The following COQ8A variants were observed in gnomAD, a reference collection of about 807,000 sequenced individuals.
COQ8A encodes the protein coenzyme Q8A.
COQ8A carries 51 observed loss-of-function variants against 65.0 expected under a neutral mutation model. The observed-to-expected ratio is 0.78, with a 90% confidence interval of 0.63 to 0.99. The LOEUF (loss-of-function observed/expected upper bound fraction) is 0.99, where lower values mean the gene tolerates loss of function less well. Among genes scored for constraint, COQ8A ranks in the 50% least tolerant of loss-of-function variants. The pLI is 0.00. For synonymous variants in COQ8A, 371 were observed against 353.2 expected, an observed-to-expected ratio of 1.05 and a Z score of -0.57; for missense variants, 940 against 875.0, an observed-to-expected ratio of 1.07 and a Z score of -0.94.
At chr1:226,978,270 T>A in intron 5 of COQ8A, among the ~76,000 whole-genome samples, 1 of 83,588 alleles carries the variant, frequency 1.2e-5, no homozygotes, top group South Asian at 4.3e-4. Context: ...CCGCACCCAC[T>A]GAACACCCGC....
intron 1 of COQ8A, among the ~76,000 whole-genome samples, chr1:226,956,224 A>ACT (rs1657742539): frequency 2.9e-5 from 2 of 69,510 alleles, no homozygotes; most frequent in African/African-American, 7.1e-5. Flanking sequence ...CCTGGCTGCC[A>ACT]CTCCCTGGTT....
At chr1:226,969,262 G>A (rs1171969553) in intron 4 of COQ8A, among the ~76,000 whole-genome samples, 3 of 152,260 alleles carry the variant, frequency 2.0e-5, no homozygotes, top group Non-Finnish European at 2.9e-5. Flanking sequence ...TGCTTTATAT[G>A]GTTTGAAGCT....
chr1:226,986,778 T>C lies in COQ8A; in HGVS notation c.*41T>C, dbSNP rs1660148654. The C allele has an allele frequency of 4.4e-6, 7 of 1,598,432 alleles. No individual in the cohort carries two copies. The highest frequency in any genetic ancestry group is 1.3e-5 in the African/African-American group (1 of 74,860). Reference sequence around the variant, plus strand: ...CCAGGCCGGCTCCGCGGGAACTCTCTCCCTCAGACAGGCCAAAAACCAGTA... The same window carrying C: ...CCAGGCCGGCTCCGCGGGAACTCTCCCCCTCAGACAGGCCAAAAACCAGTA... On this transcript the variant is annotated 3_prime_UTR_variant, in exon 15 of 15. Coordinates refer to ENST00000366777, the MANE Select transcript of COQ8A (RefSeq NM_020247.5).
Position 226,971,550 on chromosome 1 carries a change from GAAAAAGAAA to G in COQ8A, c.655+5826_655+5834del, listed in dbSNP as rs1404199282. Among the ~76,000 whole-genome samples the G allele has an allele frequency of 3.3e-5, 5 of 149,848 alleles. No homozygotes were observed. In the East Asian group the frequency reaches 8.4e-4, roughly 25 times the overall value. On this transcript the variant is annotated intron_variant, in intron 4 of 14. Transcript: ENST00000366777. ...CTGGATGACAGCTCCATCTCAAAAAGAAAAAGAAAAAAAAGAAAAAAGAGAATATATCAT... is the reference window on the plus strand; with the variant it reads ...CTGGATGACAGCTCCATCTCAAAAAGAAAAAGAAAAAAGAGAATATATCAT...
intron 8 of COQ8A, 193 bp downstream of exon 8, chr1:226,983,227 C>A: frequency 1.1e-6 from 1 of 945,588 alleles, no homozygotes; most frequent in Non-Finnish European, 1.5e-6. Flanking sequence ...AAATGAGTGA[C>A]TTTGGGGGCA....
chr1:226,960,285 T>TTGGTGGTGCTGGTGGTGCTTGGTGG (rs1658095418), intron 1 of COQ8A, among the ~76,000 whole-genome samples: 3 of 101,504 alleles, frequency 3.0e-5, no homozygotes, highest in Admixed American at 9.9e-5. Context: ...GCGGTGGTAC[T>TTGGTGGTGCTGGTGGTGCTTGGTGG]TGGTGGTGGT....
At chr1:226,983,195 AG>A in intron 8 of COQ8A, 161 bp downstream of exon 8, 2 of 1,149,098 alleles carry the variant, frequency 1.7e-6, no homozygotes, top group Non-Finnish European at 2.4e-6. Flanking sequence ...GGACGGCACC[AG>A]AAGCTTGGGA....
intron 4 of COQ8A, among the ~76,000 whole-genome samples, chr1:226,967,077 G>A (rs1006368067): frequency 1.3e-5 from 2 of 152,072 alleles, no homozygotes; most frequent in African/African-American, 4.8e-5. Context: ...CTTTTCCTGG[G>A]GTAACATTTC....
rs115291753 is a variant in COQ8A at position 226,982,348 on chromosome 1, G to C, written c.853+199G>C. 1,328 of 814,346 alleles carry C rather than the reference G, an allele frequency of 1.6e-3. 20 individuals carry two copies. The African/African-American group carries it at 0.021, about 13-fold the overall frequency. The allele number at this position is 814,346 out of a possible 1,614,324, so 50.4% of individuals were successfully genotyped here. A position where few individuals can be genotyped will look rare whatever the true frequency, so the allele number is the denominator to read the frequency against. On this transcript the variant is annotated intron_variant, in intron 6 of 14. Transcript: ENST00000366777. ...AGAAACACATGGAATAAAGAGCAGA[G>C]AGGAAAAATTGCTCTCTACAGGTGG...
rs1404709843 is a variant in COQ8A, at chr1:226,961,523, G to A, written c.138G>A (p.Thr46=). Residue 46 remains threonine, a synonymous_variant, in exon 2 of 15, where the codon ACG becomes ACA. Transcript: ENST00000366777. ...LIMAARALQS[T]AVEQIGMFLG... ...TGGCGGCCAGGGCCCTGCAGTCCAC[G>A]GCTGTGGAGCAGATTGGCATGTTCT... 1.2e-6 allele frequency: 2 copies of A among 1,613,780 alleles called. No individual in the cohort carries two copies. Among genetic ancestry groups the A allele is most frequent in the Non-Finnish European group, 8.5e-7 (1 of 1,179,926 alleles).
At position 226,986,574 on chromosome 1, in the gene COQ8A, T is replaced by C; in HGVS notation, c.1781T>C (p.Met594Thr). 1 of 1,613,300 alleles carries C rather than the reference T, an allele frequency of 6.2e-7. No individual in the cohort carries two copies. The change falls in exon 15 of 15, where the codon ATG (methionine) becomes ACG (threonine). Residue 594 changes from methionine (M) to threonine (T), a missense_variant. Transcript: ENST00000366777. ...AAGATCCACAACCTGATTCCCGTCA[T>C]GCTGAGGCACCGTCTCGTCCCCCCA... is the stretch of plus-strand genomic sequence containing the variant. ...TEKIHNLIPVMLRHRLVPPPE... is the reference protein window; with the variant it reads ...TEKIHNLIPVTLRHRLVPPPE...
chr1:226,985,639 G>A (rs1273839428), intron 14 of COQ8A, among the ~76,000 whole-genome samples: 2 of 152,216 alleles, frequency 1.3e-5, no homozygotes, highest in East Asian at 3.9e-4. Context: ...AGAGCAAGTG[G>A]GAAGGGAAGC....
intron 4 of COQ8A, among the ~76,000 whole-genome samples, chr1:226,968,201 G>A (rs1263252568): frequency 2.0e-5 from 3 of 152,098 alleles, no homozygotes; most frequent in Non-Finnish European, 2.9e-5. Flanking sequence ...TAGGTGTGGT[G>A]GCATGTGACT....
rs1240162052 is a variant in COQ8A, at chr1:226,949,592, A to G, written c.-10+9193A>G. Among the ~76,000 whole-genome samples the G allele has an allele frequency of 6.6e-6, 1 of 151,280 alleles. No individual in the cohort carries two copies. Among genetic ancestry groups the G allele is most frequent in the Non-Finnish European group, 1.5e-5 (1 of 68,016 alleles). Reference sequence around the variant, plus strand: ...GATGCCTCATACCACAGCACTAAATAAACCACACTGGTCCTCCCCAGCCCA... The same window carrying G: ...GATGCCTCATACCACAGCACTAAATGAACCACACTGGTCCTCCCCAGCCCA... On this transcript the variant is annotated intron_variant, in intron 1 of 14. Transcript: ENST00000366777. This position sits in a 1 kb window ranked among gnomAD's most constrained non-coding sequence, Gnocchi z 4.0.
In COQ8A at chr1:226,982,689, A is replaced by G; in HGVS notation, c.865A>G (p.Ile289Val). 1 of 1,613,466 alleles carries G rather than the reference A, an allele frequency of 6.2e-7. No homozygotes were observed. Among genetic ancestry groups the G allele is most frequent in the Non-Finnish European group, 8.5e-7 (1 of 1,179,988 alleles). The change falls in exon 7 of 15, where the codon ATC (isoleucine) becomes GTC (valine). Residue 289 changes from isoleucine (I) to valine (V), a missense_variant. Coordinates refer to ENST00000366777, the MANE Select transcript of COQ8A (RefSeq NM_020247.5). ...CTCCTGCCTTCCAGATGATGCCTTT[A>G]TCAACCCCCACCTGGCTAAGATCTT... is the stretch of plus-strand genomic sequence containing the variant. ...QMLSIQDDAFINPHLAKIFER... is the reference protein window; with the variant it reads ...QMLSIQDDAFVNPHLAKIFER...
chr1:226,965,665 C>T lies in COQ8A; in HGVS notation c.589-6C>T, dbSNP rs774016800. 1.2e-6 allele frequency: 2 copies of T among 1,614,070 alleles called. No homozygotes were observed. The highest frequency in any genetic ancestry group is 1.7e-6 in the Non-Finnish European group (2 of 1,180,032). On this transcript the variant is annotated splice_region_variant and splice_polypyrimidine_tract_variant and intron_variant, in intron 3 of 14. Coordinates refer to ENST00000366777, the MANE Select transcript of COQ8A (RefSeq NM_020247.5). ...TTCCACAGGTCTCTTTCTCGTCTCC[C>T]TCCAGCTCAGCGAGCATGCCCGGGA...
chr1:226,978,734 T>C (rs184738611), intron 5 of COQ8A, among the ~76,000 whole-genome samples: 1 of 86,398 alleles, frequency 1.2e-5, no homozygotes, highest in Non-Finnish European at 2.8e-5. Context: ...ACCTCATACC[T>C]GCACACCTCC....
intron 1 of COQ8A, 64 bp downstream of exon 1, chr1:226,940,463 G>C (rs1188787536): frequency 6.6e-6 from 1 of 152,300 alleles, no homozygotes; most frequent in African/African-American, 2.4e-5. Flanking sequence ...CCAGAGCTGG[G>C]GTCAACACCC....
intron 1 of COQ8A, among the ~76,000 whole-genome samples, chr1:226,960,255 GGTGGT>G: frequency 6.8e-6 from 1 of 147,404 alleles, no homozygotes. Flanking sequence ...CCTTGGTGGT[GGTGGT>G]GGTGGTACTT....
Sources: allele counts gnomAD v4.1 joint callset (sites outside exome capture counted in the v4.1 genomes callset), GRCh38; gene constraint gnomAD v4.1.1; non-coding constraint Gnocchi (gnomAD v3.1); transcripts MANE v1.5; gene names NCBI Gene and HGNC (gene_info 2026-07-23, HGNC 2026-07-21).